The following STOX1 variants were observed in gnomAD, a reference collection of about 807,000 sequenced individuals.
The protein encoded by STOX1 is storkhead box 1.
In STOX1, 57 loss-of-function variants were observed where a neutral mutation model predicts 74.8. That is an observed-to-expected ratio of 0.76 (90% confidence interval 0.62 to 0.95). STOX1 has a LOEUF of 0.95. STOX1 is among the 40% of genes least tolerant of loss of function. The pLI is 0.00. For missense variants in STOX1, 1,010 were observed against 1,117.0 expected (o/e 0.90, Z 1.37); for synonymous variants, 375 against 401.3 (o/e 0.93, Z 0.78).
chr10:68,848,224 C>T (rs1043222995), intron 1 of STOX1, among the ~76,000 whole-genome samples: 1 of 152,206 alleles, frequency 6.6e-6, no homozygotes, highest in African/African-American at 2.4e-5. Flanking sequence ...CATTTTCCTT[C>T]CCATGTCTCC....
chr10:68,844,925 G>A (rs568335461), intron 1 of STOX1, among the ~76,000 whole-genome samples: 4 of 151,978 alleles, frequency 2.6e-5, no homozygotes, highest in Middle Eastern at 3.4e-3. Flanking sequence ...ACCACGCCCA[G>A]CTAATTTTTG....
At chr10:68,844,294 CTTT>C (rs777175392) in intron 1 of STOX1, among the ~76,000 whole-genome samples, 324 of 104,708 alleles carry the variant, frequency 3.1e-3, no homozygotes, top group Non-Finnish European at 4.6e-3. Context: ...TCTGGATCTT[CTTT>C]TTTTTTTTTT....
At chr10:68,837,571 T>G (rs1288052440) in intron 1 of STOX1, among the ~76,000 whole-genome samples, 2 of 152,242 alleles carry the variant, frequency 1.3e-5, no homozygotes, top group Admixed American at 1.3e-4. Context: ...GCCTGAAGTA[T>G]GCATTATCTT....
At position 68,878,042 on chromosome 10, in the gene STOX1, A is replaced by C. The variant is rs187259889; in HGVS notation, c.311-3916A>C. Among the ~76,000 whole-genome samples, 552 of 152,232 alleles carry C rather than the reference A, an allele frequency of 3.6e-3. 6 individuals are homozygous for C. Among genetic ancestry groups the C allele is most frequent in the South Asian group, 0.02 (98 of 4,816 alleles). On this transcript the variant is annotated intron_variant, in intron 1 of 3. Coordinates refer to ENST00000298596, the MANE Select transcript of STOX1 (RefSeq NM_152709.5). ...TAGGAGGATAGGAAAAGGCCAGAAA[A>C]AACCTCTTGCTTCTGAGGCCTTCAT...
intron 1 of STOX1, among the ~76,000 whole-genome samples, chr10:68,867,867 C>T (rs572540708): frequency 1.2e-4 from 19 of 152,260 alleles, no homozygotes; most frequent in South Asian, 2.1e-4. Flanking sequence ...ATTTCTCTAC[C>T]GCACTAAAAA....
At chr10:68,876,252 G>T (rs1253349503) in intron 1 of STOX1, among the ~76,000 whole-genome samples, 1 of 151,522 alleles carries the variant, frequency 6.6e-6, no homozygotes, top group African/African-American at 2.4e-5. Context: ...CTGCCTTCCG[G>T]GTTCAAATGA....
chr10:68,851,146 A>G (rs1229579245), intron 1 of STOX1, among the ~76,000 whole-genome samples: 1 of 150,546 alleles, frequency 6.6e-6, no homozygotes, highest in Non-Finnish European at 1.5e-5. Flanking sequence ...TATCTCCACA[A>G]ACAATAAATT....
At chr10:68,850,157 G>A (rs545794024) in intron 1 of STOX1, among the ~76,000 whole-genome samples, 1 of 152,210 alleles carries the variant, frequency 6.6e-6, no homozygotes, top group African/African-American at 2.4e-5. Context: ...TGGGACTACA[G>A]GCCACCACGC....
intron 1 of STOX1, among the ~76,000 whole-genome samples, chr10:68,828,710 A>T (rs919663348): frequency 2.0e-5 from 3 of 151,976 alleles, no homozygotes; most frequent in African/African-American, 7.2e-5. Flanking sequence ...TATTTTTTGA[A>T]CTACAGATCT....
At chr10:68,851,494 G>T (rs1839982679) in intron 1 of STOX1, among the ~76,000 whole-genome samples, 1 of 152,006 alleles carries the variant, frequency 6.6e-6, no homozygotes, top group African/African-American at 2.4e-5. Context: ...TGGTCTTTAT[G>T]CACTATATGA....
intron 1 of STOX1, among the ~76,000 whole-genome samples, chr10:68,848,473 A>T (rs1226428703): frequency 6.6e-6 from 1 of 152,054 alleles, no homozygotes; most frequent in Non-Finnish European, 1.5e-5. Context: ...AAGAAGGGGG[A>T]GGAGGGCCTT....
At chr10:68,841,373 C>T (rs1016454754) in intron 1 of STOX1, among the ~76,000 whole-genome samples, 1 of 152,142 alleles carries the variant, frequency 6.6e-6, no homozygotes, top group African/African-American at 2.4e-5. Context: ...CTCTCATTTC[C>T]CTATCCCAAC....
chr10:68,894,811 G>A (rs1009899687), downstream of STOX1, among the ~76,000 whole-genome samples: 1 of 152,118 alleles, frequency 6.6e-6, no homozygotes, highest in East Asian at 1.9e-4. Context: ...CTGCAGCCTC[G>A]ACCTGTTGGA....
intron 1 of STOX1, among the ~76,000 whole-genome samples, chr10:68,830,859 T>A (rs182946989): frequency 7.8e-4 from 119 of 152,304 alleles, no homozygotes; most frequent in South Asian, 3.5e-3. Flanking sequence ...ATGCTTTTGC[T>A]TTGAATAGCG....
At chr10:68,846,419 G>T (rs544587496) in intron 1 of STOX1, among the ~76,000 whole-genome samples, 181 of 152,186 alleles carry the variant, frequency 1.2e-3, no homozygotes, top group African/African-American at 4.2e-3. Context: ...CAAAGTCCTG[G>T]GATTACAGGC....
chr10:68,864,283 A>G (rs1315691255), intron 1 of STOX1, among the ~76,000 whole-genome samples: 11 of 152,162 alleles, frequency 7.2e-5, no homozygotes, highest in Admixed American at 5.2e-4. Context: ...TTTGATCCAG[A>G]ATAAGAGGCT....
At chr10:68,846,119 T>TTTATTATTA (rs201726154) in intron 1 of STOX1, among the ~76,000 whole-genome samples, 24,099 of 135,426 alleles carry the variant, frequency 0.18, 2,085 homozygotes, top group Non-Finnish European at 0.2. Flanking sequence ...GCTTGAGGTT[T>TTTATTATTA]TTATTATTAT....
Position 68,884,707 on chromosome 10 carries a change from A to G in STOX1, c.911A>G (p.Asp304Gly), listed in dbSNP as rs1260067209. Residue 304 changes from aspartate to glycine, a missense_variant, in exon 3 of 4, where the codon GAT becomes GGT. Asp to Gly is a moderately conservative substitution (Grantham distance 94). Transcript: ENST00000298596. ...ACCAAACCTTTACCATACACAAGAG[A>G]TAAAGAAAAAGGCAAGAAGTTTGGT... ...ESTKPLPYTR[D>G]KEKGKKFGFS... 4.3e-6 allele frequency: 7 copies of G among 1,614,068 alleles called. No homozygotes were observed. In the Admixed American group the frequency reaches 6.7e-5, roughly 15 times the overall value.
Position 68,885,317 on chromosome 10 carries a change from A to T in STOX1, c.1521A>T (p.Ile507=). ...GTTTGTCTCACCGAGGAAGCACAAT[A>T]TCCAAAGGGCACAAAATTCAGAAGA... The part of the protein sequence containing the change: ...FQGLSHRGST[I]SKGHKIQKTS... The change falls in exon 3 of 4, where the codon ATA becomes ATT. Residue 507 remains isoleucine, a synonymous_variant. Transcript: ENST00000298596. 1 of 1,614,212 alleles carries T rather than the reference A, an allele frequency of 6.2e-7. No homozygotes were observed. The highest frequency in any genetic ancestry group is 8.5e-7 in the Non-Finnish European group (1 of 1,180,032).
Sources: allele counts gnomAD v4.1 joint callset (sites outside exome capture counted in the v4.1 genomes callset), GRCh38; gene constraint gnomAD v4.1.1; transcripts MANE v1.5; gene names NCBI Gene and HGNC (gene_info 2026-07-23, HGNC 2026-07-21).